Variants in PIP4K2A observed in about 807,000 individuals in gnomAD.
The protein encoded by PIP4K2A is phosphatidylinositol 5-phosphate 4-kinase type-2 alpha.
Under a neutral mutation model 42.9 loss-of-function variants are expected in PIP4K2A, and 14 were observed. That is an observed-to-expected ratio of 0.33 (90% CI 0.22 to 0.51). The LOEUF is 0.51. Among genes scored for constraint, PIP4K2A ranks in the 20% least tolerant of loss-of-function variants. PIP4K2A has a pLI of 0.97. For missense variants in PIP4K2A, 434 were observed against 519.8 expected (o/e 0.83, Z 1.61); for synonymous variants, 192 against 192.2 (o/e 1.00, Z 0.01).
At chr10:22,661,633 G>C (rs1839207828) in intron 1 of PIP4K2A, 1 of 152,148 alleles carries the variant, frequency 6.6e-6, no homozygotes, top group Admixed American at 6.6e-5. Flanking sequence ...AACGTGCTGG[G>C]ATTACTGGTG....
intron 1 of PIP4K2A, chr10:22,691,809 T>C (rs1002182626): frequency 5.3e-5 from 8 of 152,208 alleles, no homozygotes; most frequent in African/African-American, 1.9e-4. Context: ...TTCTTAAAAA[T>C]ATGTTTCTCA....
chr10:22,647,455 G>A lies in PIP4K2A; in HGVS notation c.145-37738C>T, dbSNP rs76003852. On this transcript the variant is annotated intron_variant, in intron 1 of 9. Transcript: ENST00000376573. Reference sequence around the variant, plus strand: ...AGGGAAGCAGATAAGAAAGTGAAAGGACCGAGGTGGAGAAAAACAGGCTCT... The same window carrying A: ...AGGGAAGCAGATAAGAAAGTGAAAGAACCGAGGTGGAGAAAAACAGGCTCT... Among the ~76,000 whole-genome samples, 993 of 152,074 alleles carry A rather than the reference G, an allele frequency of 6.5e-3. 11 individuals are homozygous for A. Among genetic ancestry groups the A allele is most frequent in the East Asian group, 0.064 (329 of 5,166 alleles).
chr10:22,638,293 T>C (rs1199315412), intron 1 of PIP4K2A, among the ~76,000 whole-genome samples: 1 of 152,210 alleles, frequency 6.6e-6, no homozygotes, highest in Non-Finnish European at 1.5e-5. Context: ...TTAACTCCAC[T>C]CTTCTCTGCC....
intron 2 of PIP4K2A, among the ~76,000 whole-genome samples, chr10:22,609,077 A>C (rs1837973486): frequency 6.6e-6 from 1 of 152,218 alleles, no homozygotes. Flanking sequence ...GAGCCCCTTG[A>C]GGGCAGGGCC....
chr10:22,567,631 C>A, intron 6 of PIP4K2A: 1 of 718,136 alleles, frequency 1.4e-6, no homozygotes, highest in Non-Finnish European at 2.6e-6. Flanking sequence ...TCCAACCATG[C>A]TTGCAACAAA....
At chr10:22,604,916 C>T (rs76426288) in intron 3 of PIP4K2A, among the ~76,000 whole-genome samples, 1,982 of 152,322 alleles carry the variant, frequency 0.013, 39 homozygotes, top group African/African-American at 0.042. Flanking sequence ...GGCCCCTGCC[C>T]GCCTGCCGCC....
chr10:22,697,549 A>AT (rs1433777823), intron 1 of PIP4K2A, among the ~76,000 whole-genome samples: 1 of 152,064 alleles, frequency 6.6e-6, no homozygotes. Flanking sequence ...CAAGACCCCC[A>AT]TCTCTACAAA....
At chr10:22,644,632 T>A (rs1400906671) in intron 1 of PIP4K2A, among the ~76,000 whole-genome samples, 1 of 152,150 alleles carries the variant, frequency 6.6e-6, no homozygotes, top group Admixed American at 6.5e-5. Flanking sequence ...CACCCACCAC[T>A]CTAATCTCCT....
At chr10:22,666,792 G>A (rs922253877) in intron 1 of PIP4K2A, among the ~76,000 whole-genome samples, 1 of 152,072 alleles carries the variant, frequency 6.6e-6, no homozygotes, top group African/African-American at 2.4e-5. Flanking sequence ...TTTGCTCCCC[G>A]AACGTACATT....
intron 1 of PIP4K2A, among the ~76,000 whole-genome samples, chr10:22,613,215 C>T (rs1162488898): frequency 3.3e-5 from 5 of 151,882 alleles, no homozygotes; most frequent in Admixed American, 6.6e-5. Context: ...AGAGTTGTTT[C>T]GGTGGAGTGT....
chr10:22,683,636 C>T (rs1231296984), intron 1 of PIP4K2A, among the ~76,000 whole-genome samples: 1 of 152,154 alleles, frequency 6.6e-6, no homozygotes, highest in Non-Finnish European at 1.5e-5. Flanking sequence ...GCAGCAACTG[C>T]TTTCTTCTGT....
chr10:22,627,461 T>A (rs1006178404), intron 1 of PIP4K2A, among the ~76,000 whole-genome samples: 1 of 151,700 alleles, frequency 6.6e-6, no homozygotes, highest in Non-Finnish European at 1.5e-5. Context: ...GCGTATTAGT[T>A]TCTTTAATAT....
chr10:22,578,170 T>A (rs564416202), intron 4 of PIP4K2A, among the ~76,000 whole-genome samples: 1 of 152,234 alleles, frequency 6.6e-6, no homozygotes, highest in Non-Finnish European at 1.5e-5. Context: ...TGCTTGAACA[T>A]TTTTACAATA....
At chr10:22,537,980 C>T (rs998958825) in intron 9 of PIP4K2A, among the ~76,000 whole-genome samples, 1 of 152,212 alleles carries the variant, frequency 6.6e-6, no homozygotes, top group Non-Finnish European at 1.5e-5. Context: ...AAGCCTGGCC[C>T]CCTGCAGAAG....
At position 22,619,813 on chromosome 10, in the gene PIP4K2A, T is replaced by A. The variant is rs12243259; in HGVS notation, c.145-10096A>T. The stretch of plus-strand genomic sequence containing the variant: ...AAGACAAAAATCAAAGATCCAAGTA[T>A]ATTTTAATTAACATTTTCTTCTGAA... On this transcript the variant is annotated intron_variant, in intron 1 of 9. Coordinates refer to ENST00000376573, the MANE Select transcript of PIP4K2A (RefSeq NM_005028.5). 6.3e-3 allele frequency among the ~76,000 whole-genome samples: 967 copies of A among 152,326 alleles called. 8 individuals are homozygous for A. The highest frequency in any genetic ancestry group is 0.022 in the African/African-American group (911 of 41,582).
Position 22,536,974 on chromosome 10 carries a change from A to T in PIP4K2A, c.*227T>A. ...ACACACTCACCCCCCCCCAACACAC[A>T]CACACACACATATACACAAAGTCAG... On this transcript the variant is annotated 3_prime_UTR_variant, in exon 10 of 10. Transcript: ENST00000376573. 2 of 362,194 alleles carry T rather than the reference A, an allele frequency of 5.5e-6. No homozygotes were observed. The highest frequency in any genetic ancestry group is 8.6e-4 in the Middle Eastern group (1 of 1,168). The allele number at this position is 362,194 out of a possible 1,614,324, so 22.4% of individuals were successfully genotyped here.
intron 7 of PIP4K2A, among the ~76,000 whole-genome samples, chr10:22,548,003 A>C (rs928288935): frequency 2.0e-5 from 3 of 152,234 alleles, no homozygotes; most frequent in African/African-American, 7.2e-5. Flanking sequence ...CGAGGCATTA[A>C]GGAAAAACAG....
At chr10:22,612,219 T>C (rs1838061290) in intron 1 of PIP4K2A, among the ~76,000 whole-genome samples, 1 of 152,224 alleles carries the variant, frequency 6.6e-6, no homozygotes, top group Non-Finnish European at 1.5e-5. Flanking sequence ...CCAGTCTTTG[T>C]CCTCTTGGGG....
intron 1 of PIP4K2A, among the ~76,000 whole-genome samples, chr10:22,651,784 T>C (rs1293447020): frequency 1.3e-5 from 2 of 152,164 alleles, no homozygotes; most frequent in Non-Finnish European, 2.9e-5. Context: ...GGCTGCAGGG[T>C]GCCAAGGACA....
Sources: allele counts gnomAD v4.1 joint callset (sites outside exome capture counted in the v4.1 genomes callset), GRCh38; gene constraint gnomAD v4.1.1; transcripts MANE v1.5; gene names NCBI Gene and HGNC (gene_info 2026-07-23, HGNC 2026-07-21).